CCDC146: variants seen among roughly 807,000 people sequenced by gnomAD.
CCDC146 encodes coiled-coil domain containing 146, also known as coiled-coil domain-containing protein 146.
CCDC146 carries 92 observed loss-of-function variants against 119.3 expected under a neutral mutation model. The observed-to-expected ratio is 0.77, with a 90% CI of 0.65 to 0.92. CCDC146 has a LOEUF of 0.92. CCDC146 is among the 40% of genes least tolerant of loss of function. The pLI is 0.00. For synonymous variants in CCDC146, 372 were observed against 371.8 expected (o/e 1.00, Z -0.01); for missense variants, 1,000 against 1,103.0 (o/e 0.91, Z 1.32).
At chr7:77,226,846 A>C (rs1458072133) in intron 2 of CCDC146, among the ~76,000 whole-genome samples, 1 of 152,208 alleles carries the variant, frequency 6.6e-6, no homozygotes, top group African/African-American at 2.4e-5. Context: ...TGAGTGAAGC[A>C]TTTTTATCTG....
At position 77,286,789 on chromosome 7, in the gene CCDC146, T is replaced by G; in HGVS notation, c.2149-9T>G. Reference sequence around the variant, plus strand: ...GTTCATTTTAAAGTTAATGTTTTTTTCTTAATAGTTTTCACAGTGTACAGA... The same window carrying G: ...GTTCATTTTAAAGTTAATGTTTTTTGCTTAATAGTTTTCACAGTGTACAGA... On this transcript the variant is annotated splice_polypyrimidine_tract_variant and intron_variant, in intron 15 of 18. Transcript: ENST00000285871. The G allele has an allele frequency of 6.2e-7, 1 of 1,611,822 alleles. No individual in the cohort carries two copies. Among genetic ancestry groups the G allele is most frequent in the East Asian group, 2.2e-5 (1 of 44,862 alleles).
At chr7:77,240,983 TTTG>T in intron 3 of CCDC146, among the ~76,000 whole-genome samples, 5 of 145,374 alleles carry the variant, frequency 3.4e-5, no homozygotes, top group African/African-American at 8.0e-5. Context: ...TTTTTTTTTG[TTTG>T]TTTGTTTGTT....
chr7:77,215,225 T>C (rs555242909), intron 2 of CCDC146, among the ~76,000 whole-genome samples: 2 of 151,564 alleles, frequency 1.3e-5, no homozygotes, highest in African/African-American at 4.8e-5. Flanking sequence ...GTGAACTCAT[T>C]TACTTAAACA....
intron 1 of CCDC146, among the ~76,000 whole-genome samples, chr7:77,144,887 T>TC (rs1790991369): frequency 1.3e-5 from 2 of 151,660 alleles, no homozygotes; most frequent in Non-Finnish European, 2.9e-5. Flanking sequence ...TCTTTTTTTT[T>TC]CTGTGTCTCT....
At chr7:77,160,168 G>A (rs1791238738) in intron 1 of CCDC146, among the ~76,000 whole-genome samples, 2 of 152,224 alleles carry the variant, frequency 1.3e-5, no homozygotes, top group South Asian at 4.1e-4. Flanking sequence ...TTTGGTTACT[G>A]TAGCCTTGTA....
intron 1 of CCDC146, among the ~76,000 whole-genome samples, chr7:77,140,468 CT>C (rs1292909062): frequency 6.6e-6 from 1 of 152,128 alleles, no homozygotes; most frequent in East Asian, 1.9e-4. Context: ...TCTGATGAGG[CT>C]TTCTTGCTGG....
chr7:77,242,432 T>C, intron 4 of CCDC146: 1 of 971,582 alleles, frequency 1.0e-6, no homozygotes, highest in Non-Finnish European at 1.2e-6. Context: ...GGAGAAAAGG[T>C]ATATCCTTTT....
In CCDC146 at chr7:77,279,121, T is replaced by C. The variant is rs773910618; in HGVS notation, c.1694+20T>C. ...AGAAAGGTAAGTGTTATAATAACTA[T>C]TGGCCTTTCAAAGGCTTGTTTTCTG... is the stretch of plus-strand genomic sequence containing the variant. On this transcript the variant is annotated intron_variant, in intron 13 of 18. Coordinates refer to ENST00000285871, the MANE Select transcript of CCDC146 (RefSeq NM_020879.3). The C allele has an allele frequency of 4.4e-5, 70 of 1,600,114 alleles. No homozygotes were observed. The Middle Eastern group carries it at 5.1e-4, about 12-fold the overall frequency.
chr7:77,241,555 C>A, intron 3 of CCDC146, 136 bp from the exon 4 acceptor site: 1 of 715,738 alleles, frequency 1.4e-6, no homozygotes, highest in Non-Finnish European at 2.4e-6. Flanking sequence ...GAAGGGTCAA[C>A]TGACTTGGCA....
chr7:77,161,038 G>C (rs1467534025), intron 1 of CCDC146, among the ~76,000 whole-genome samples: 1 of 152,224 alleles, frequency 6.6e-6, no homozygotes, highest in Non-Finnish European at 1.5e-5. Flanking sequence ...ATGAAAAAAT[G>C]CTCTCCATCA....
intron 4 of CCDC146, among the ~76,000 whole-genome samples, chr7:77,243,302 G>T (rs1425301326): frequency 6.6e-6 from 1 of 152,226 alleles, no homozygotes; most frequent in Non-Finnish European, 1.5e-5. Flanking sequence ...CTGACCTGCG[G>T]TGAATAAGAA....
At chr7:77,206,650 T>TAC (rs1792085507) in intron 2 of CCDC146, among the ~76,000 whole-genome samples, 1 of 50,786 alleles carries the variant, frequency 2.0e-5, no homozygotes, top group Non-Finnish European at 3.2e-5. Flanking sequence ...GAAACATACA[T>TAC]ATATATATAT....
chr7:77,290,638 TAGA>T (rs1793927311), intron 17 of CCDC146, among the ~76,000 whole-genome samples: 1 of 152,218 alleles, frequency 6.6e-6, no homozygotes. Flanking sequence ...AGCAGAAGCC[TAGA>T]AGTCAAATAA....
chr7:77,226,988 A>C (rs1163164614), intron 2 of CCDC146, among the ~76,000 whole-genome samples: 2 of 152,192 alleles, frequency 1.3e-5, no homozygotes, highest in Non-Finnish European at 2.9e-5. Context: ...AGGCAGCTAA[A>C]ATCTATTCTC....
At chr7:77,150,407 A>G (rs1413170365) in intron 1 of CCDC146, among the ~76,000 whole-genome samples, 2 of 152,250 alleles carry the variant, frequency 1.3e-5, no homozygotes, top group African/African-American at 2.4e-5. Context: ...ATCTGAACAG[A>G]TACTCTACCT....
At chr7:77,124,145 AAACT>A (rs1368894335) in intron 1 of CCDC146, among the ~76,000 whole-genome samples, 2 of 152,228 alleles carry the variant, frequency 1.3e-5, no homozygotes, top group Non-Finnish European at 2.9e-5. Flanking sequence ...TTTCTGAGAC[AAACT>A]AAGTTAATGG....
chr7:77,219,786 G>A (rs573898071), intron 2 of CCDC146, among the ~76,000 whole-genome samples: 1 of 152,278 alleles, frequency 6.6e-6, no homozygotes, highest in African/African-American at 2.4e-5. Flanking sequence ...GGCAAGTTCT[G>A]TGATGCCCCC....
intron 2 of CCDC146, among the ~76,000 whole-genome samples, chr7:77,214,104 T>C (rs1792254560): frequency 6.6e-6 from 1 of 152,212 alleles, no homozygotes; most frequent in Admixed American, 6.5e-5. Flanking sequence ...GATTCCTTTT[T>C]TTCCACATCC....
Position 77,282,718 on chromosome 7 carries a change from G to A in CCDC146, c.2081G>A (p.Cys694Tyr). The change falls in exon 15 of 19, where the codon TGT (cysteine) becomes TAT (tyrosine). Residue 694 changes from cysteine to tyrosine, a missense_variant. Cys to Tyr is a radical substitution (Grantham distance 194, BLOSUM62 -2). This residue lies in a region of CCDC146 where 985 missense variants were observed against 1,045.3 expected (regional missense o/e 0.94). Coordinates refer to ENST00000285871, the MANE Select transcript of CCDC146 (RefSeq NM_020879.3). ...MKIAEKQRQICVTQKLLPAKR... is the reference protein window; with the variant it reads ...MKIAEKQRQIYVTQKLLPAKR... ...ATTGCTGAGAAGCAAAGACAAATTT[G>A]TGTGACCCAGAAATTACTGCCAGCC... 3.7e-6 allele frequency: 6 copies of A among 1,614,220 alleles called. No individual in the cohort carries two copies. Among genetic ancestry groups the A allele is most frequent in the Non-Finnish European group, 5.1e-6 (6 of 1,180,020 alleles).
Sources: gnomAD v4.1 joint callset for allele counts (sites outside exome capture counted in the v4.1 genomes callset) on GRCh38, gnomAD v4.1.1 for gene constraint, gnomAD v4.1.1 regional missense constraint, MANE v1.5 for transcripts, NCBI Gene and HGNC (gene_info 2026-07-23, HGNC 2026-07-21) for gene names.